The following PTPA variants were observed in gnomAD, a reference collection of about 807,000 sequenced individuals.
The protein encoded by PTPA is protein phosphatase 2 phosphatase activator.
A neutral mutation model predicts 43.6 loss-of-function variants in PTPA; 13 were observed. That is an observed-to-expected ratio of 0.30 (90% CI 0.19 to 0.47). The LOEUF (loss-of-function observed/expected upper bound fraction) is 0.47. Ranked by LOEUF, PTPA falls within the 20% of genes least tolerant of loss-of-function variation. PTPA has a pLI of 0.99. For synonymous variants in PTPA, 172 were observed against 158.2 expected (o/e 1.09, Z -0.66); for missense variants, 329 against 411.9 (o/e 0.80, Z 1.74).
At chr9:129,111,009 CA>C (rs1402494481), upstream of PTPA, 14 of 1,370,718 alleles carry the variant, frequency 1.0e-5, no homozygotes, top group African/African-American at 2.1e-4. Context: ...CCCCTGTCCC[CA>C]CATGTCTTCT....
At chr9:129,138,641 T>C (rs713219) in intron 8 of PTPA, among the ~76,000 whole-genome samples, 105,808 of 151,970 alleles carry the variant, frequency 0.7, 36,955 homozygotes, top group Non-Finnish European at 0.7. Flanking sequence ...TCAGTGAGGT[T>C]CCTAGCAGGC....
chr9:129,123,745 G>A (rs893549246), intron 3 of PTPA, among the ~76,000 whole-genome samples: 5 of 151,570 alleles, frequency 3.3e-5, no homozygotes, highest in Middle Eastern at 3.2e-3. Flanking sequence ...GTGCAGTGGC[G>A]CGATCTTGGC....
chr9:129,123,065 A>G lies in PTPA; in HGVS notation c.143A>G (p.Tyr48Cys). The G allele has an allele frequency of 6.2e-7, 1 of 1,610,660 alleles. No homozygotes were observed. Among genetic ancestry groups the G allele is most frequent in the Non-Finnish European group, 8.5e-7 (1 of 1,177,934 alleles). Residue 48 changes from tyrosine to cysteine, a missense_variant, in exon 3 of 10, where the codon TAC becomes TGC. Coordinates refer to ENST00000393370, the MANE Select transcript of PTPA (RefSeq NM_178000.3). ...TCTGTTTGGTAGGCATACGCTGACT[A>G]CATCGGATTCATCCTTACCCTCAAC... The part of the protein sequence containing the change: ...KWKRSQAYAD[Y>C]IGFILTLNEG...
intron 3 of PTPA, among the ~76,000 whole-genome samples, chr9:129,126,280 G>A (rs1000177380): frequency 6.6e-5 from 10 of 151,542 alleles, no homozygotes; most frequent in South Asian, 2.1e-4. Flanking sequence ...CACAACCTCC[G>A]CCTCCCGGGT....
At chr9:129,139,205 A>G (rs1248156709) in intron 8 of PTPA, among the ~76,000 whole-genome samples, 1 of 152,170 alleles carries the variant, frequency 6.6e-6, no homozygotes, top group Admixed American at 6.5e-5. Context: ...AATTGATTCC[A>G]TGGTAAAATT....
Position 129,136,599 on chromosome 9 carries a change from C to G in PTPA, c.685+4C>G. 1 of 1,610,824 alleles carries G rather than the reference C, an allele frequency of 6.2e-7. No homozygotes were observed. On this transcript the variant is annotated splice_donor_region_variant and intron_variant, in intron 7 of 9. Coordinates refer to ENST00000393370, the MANE Select transcript of PTPA (RefSeq NM_178000.3). ...TGGGGCAGTTCGCAGCTGATAGGTA[C>G]TAGAGCGGGAGGTGCCTATCCCTCC...
chr9:129,146,359 T>A (rs1258075567), intron 9 of PTPA, among the ~76,000 whole-genome samples: 1 of 152,190 alleles, frequency 6.6e-6, no homozygotes, highest in African/African-American at 2.4e-5. Flanking sequence ...CTCGTCACCC[T>A]GGTGCTTCTC....
intron 9 of PTPA, among the ~76,000 whole-genome samples, chr9:129,146,020 C>T (rs1005895160): frequency 6.6e-6 from 1 of 151,910 alleles, no homozygotes; most frequent in Admixed American, 6.5e-5. Flanking sequence ...GAACCCCTGC[C>T]TCCACCCCTT....
chr9:129,146,608 C>G (rs991632389), intron 9 of PTPA, among the ~76,000 whole-genome samples: 2 of 152,190 alleles, frequency 1.3e-5, no homozygotes, highest in African/African-American at 4.8e-5. Flanking sequence ...CCTCGCATGC[C>G]CAGAACGGCT....
chr9:129,144,534 C>A (rs944537742), intron 9 of PTPA, among the ~76,000 whole-genome samples: 2 of 150,748 alleles, frequency 1.3e-5, no homozygotes, highest in African/African-American at 4.9e-5. Flanking sequence ...GTCAGGAGAT[C>A]GAGACCATCC....
intron 1 of PTPA, among the ~76,000 whole-genome samples, chr9:129,113,132 C>T (rs1848653858): frequency 6.6e-6 from 1 of 151,730 alleles, no homozygotes; most frequent in Non-Finnish European, 1.5e-5. Flanking sequence ...CTCACTCTGT[C>T]CCCCAGGCTG....
intron 1 of PTPA, among the ~76,000 whole-genome samples, chr9:129,112,562 T>C (rs997770084): frequency 3.9e-5 from 6 of 151,992 alleles, no homozygotes; most frequent in African/African-American, 1.4e-4. Context: ...ACAAAAGAGG[T>C]GAACAAAGAG....
intron 1 of PTPA, among the ~76,000 whole-genome samples, chr9:129,113,387 G>A (rs1226194690): frequency 2.6e-5 from 4 of 151,732 alleles, no homozygotes; most frequent in Non-Finnish European, 4.4e-5. Flanking sequence ...ACCGTGCCTG[G>A]CCTATGTTTT....
At chr9:129,144,862 G>A (rs1049165954) in intron 9 of PTPA, among the ~76,000 whole-genome samples, 1 of 151,966 alleles carries the variant, frequency 6.6e-6, no homozygotes, top group East Asian at 1.9e-4. Context: ...AGGAAACCCC[G>A]TCTCTACTAA....
rs1254881614 is a variant in PTPA at position 129,136,599 on chromosome 9, CT to C, written c.685+5del. 8.7e-6 allele frequency: 14 copies of C among 1,610,706 alleles called. No individual in the cohort carries two copies. Among genetic ancestry groups the C allele is most frequent in the Middle Eastern group, 1.7e-4 (1 of 6,054 alleles). ...TGGGGCAGTTCGCAGCTGATAGGTA[CT>C]AGAGCGGGAGGTGCCTATCCCTCCA... On this transcript the variant is annotated splice_donor_5th_base_variant and intron_variant, in intron 7 of 9. Transcript: ENST00000393370.
intron 1 of PTPA, among the ~76,000 whole-genome samples, chr9:129,114,037 G>GT (rs1236562049): frequency 5.3e-5 from 8 of 151,294 alleles, no homozygotes; most frequent in East Asian, 1.9e-4. Flanking sequence ...CTTCTTTTTA[G>GT]TTTTTTTTTG....
upstream of PTPA, chr9:129,111,007 C>T (rs775596398): frequency 7.3e-7 from 1 of 1,370,926 alleles, no homozygotes; most frequent in Non-Finnish European, 9.8e-7. Context: ...CTCCCCTGTC[C>T]CCACATGTCT....
chr9:129,112,304 A>C (rs893140161), intron 1 of PTPA, among the ~76,000 whole-genome samples: 3 of 152,208 alleles, frequency 2.0e-5, no homozygotes, highest in Non-Finnish European at 2.9e-5. Context: ...GGTGCTACGG[A>C]AGGATCTTAG....
intron 1 of PTPA, among the ~76,000 whole-genome samples, chr9:129,112,889 TGAG>T (rs1377885057): frequency 6.6e-6 from 1 of 151,082 alleles, no homozygotes; most frequent in African/African-American, 2.4e-5. Context: ...TGCGGTGAGC[TGAG>T]ATCGCGGCAT....
Sources: allele counts gnomAD v4.1 joint callset (sites outside exome capture counted in the v4.1 genomes callset), GRCh38; gene constraint gnomAD v4.1.1; transcripts MANE v1.5; gene names NCBI Gene and HGNC (gene_info 2026-07-23, HGNC 2026-07-21).